CPS1: variants seen among roughly 807,000 people sequenced by gnomAD.
CPS1 encodes the protein carbamoyl-phosphate synthase 1.
In CPS1, 109 loss-of-function variants were observed where a neutral mutation model predicts 174.6. The ratio of observed to expected loss-of-function variants is 0.62; its 90% CI spans 0.53 to 0.73. The LOEUF is 0.73. Among genes scored for constraint, CPS1 ranks in the 30% least tolerant of loss-of-function variants. The pLI is 0.00. For missense variants in CPS1, 1,689 were observed against 1,821.9 expected (o/e 0.93, Z 1.33); for synonymous variants, 637 against 632.0 (o/e 1.01, Z -0.12).
intron 5 of CPS1, among the ~76,000 whole-genome samples, chr2:210,580,931 T>C (rs1697904297): frequency 6.6e-6 from 1 of 151,336 alleles, no homozygotes; most frequent in Admixed American, 6.6e-5. Flanking sequence ...CTTGTTAGGA[T>C]ATATACATAT....
rs539147852 is a variant in CPS1, at chr2:210,483,947, G to A, written c.3+6181G>A. 1.8e-4 allele frequency among the ~76,000 whole-genome samples: 28 copies of A among 152,314 alleles called. No individual in the cohort carries two copies. In the South Asian group the frequency reaches 4.8e-3, roughly 26 times the overall value. On this transcript the variant is annotated intron_variant, in intron 1 of 38. Transcript: ENST00000430249. ...ATCCATTTACTTATTCTTCAGATGGGTGTTGCAAAGTGTCTATGGAGTGCA... is the reference window on the plus strand; with the variant it reads ...ATCCATTTACTTATTCTTCAGATGGATGTTGCAAAGTGTCTATGGAGTGCA...
intron 6 of CPS1, among the ~76,000 whole-genome samples, chr2:210,587,665 A>G (rs1242885468): frequency 6.6e-6 from 1 of 152,048 alleles, no homozygotes; most frequent in African/African-American, 2.4e-5. Context: ...ATCAAGTGGT[A>G]TTTAAAGCAT....
chr2:210,650,562 A>G lies in CPS1; in HGVS notation c.3480+124A>G, dbSNP rs1001596904. 16 of 795,382 alleles carry G rather than the reference A, an allele frequency of 2.0e-5. No individual in the cohort carries two copies. The African/African-American group carries it at 2.7e-4, about 14-fold the overall frequency. The allele number at this position is 795,382 out of a possible 1,614,324, so 49.3% of individuals were successfully genotyped here. A position where few individuals can be genotyped will look rare whatever the true frequency, so the allele number is the denominator to read the frequency against. On this transcript the variant is annotated intron_variant, in intron 28 of 37. Coordinates refer to ENST00000233072, the MANE Select transcript of CPS1 (RefSeq NM_001875.5). ...ACCTTACTTTGTATGTTTTCTTTTC[A>G]CACAATGTGTTAGAATGAGTTTTCT...
chr2:210,649,810 AT>A (rs1241875143), intron 27 of CPS1, among the ~76,000 whole-genome samples: 1 of 152,208 alleles, frequency 6.6e-6, no homozygotes, highest in African/African-American at 2.4e-5. Context: ...TTTCTCAAGC[AT>A]TTAAAAAGAA....
At chr2:210,621,162 T>C (rs1699512705) in intron 21 of CPS1, among the ~76,000 whole-genome samples, 1 of 152,110 alleles carries the variant, frequency 6.6e-6, no homozygotes, top group African/African-American at 2.4e-5. Flanking sequence ...TTCTAGGCAG[T>C]TCCCCAAATT....
intron 1 of CPS1, among the ~76,000 whole-genome samples, chr2:210,529,267 C>G (rs1297493081): frequency 6.6e-6 from 1 of 151,916 alleles, no homozygotes; most frequent in Non-Finnish European, 1.5e-5. Flanking sequence ...ATCATTTAGA[C>G]ATTAAATTGA....
chr2:210,648,562 C>G, intron 27 of CPS1, 22 bp downstream of exon 27: 3 of 1,596,168 alleles, frequency 1.9e-6, no homozygotes, highest in Non-Finnish European at 2.6e-6. Context: ...TATTGTTTTC[C>G]AAAACAATGA....
chr2:210,576,304 ACATACATTATTTGCTGATAATTTTTTGGC>A lies in CPS1; in HGVS notation c.237-41_237-13del. The A allele has an allele frequency of 6.2e-7, 1 of 1,601,352 alleles. No individual in the cohort carries two copies. The highest frequency in any genetic ancestry group is 8.6e-7 in the Non-Finnish European group (1 of 1,168,616). On this transcript the variant is annotated splice_polypyrimidine_tract_variant and intron_variant, in intron 2 of 37. Coordinates refer to ENST00000233072, the MANE Select transcript of CPS1 (RefSeq NM_001875.5). ...GTATGCAGATTATAGCTTTGTAGTT[ACATACATTATTTGCTGATAATTTTTTGGC>A]ATGTTTACCCAGGTACCCAGAAGCT...
chr2:210,576,457 A>T lies in CPS1; in HGVS notation c.348A>T (p.Gly116=), dbSNP rs745458619. 6.2e-7 allele frequency: 1 copy of T among 1,613,678 alleles called. No homozygotes were observed. The highest frequency in any genetic ancestry group is 1.7e-5 in the Admixed American group (1 of 59,970). The change falls in exon 3 of 38, where the codon GGA becomes GGT. Residue 116 remains glycine (G), a synonymous_variant. Coordinates refer to ENST00000233072, the MANE Select transcript of CPS1 (RefSeq NM_001875.5). ...ATACTACTGCTCTGGATGAACTGGG[A>T]CTTAGCAAATATTTGGAGTCTAATG... ...APDTTALDEL[G]LSKYLESNGI... is the part of the protein sequence containing the mutation.
intron 1 of CPS1, among the ~76,000 whole-genome samples, chr2:210,508,768 T>G (rs1695362725): frequency 6.6e-6 from 1 of 152,170 alleles, no homozygotes; most frequent in Non-Finnish European, 1.5e-5. Context: ...GCAAATAAAC[T>G]AGAAAATCTA....
chr2:210,512,936 G>A (rs375758098), intron 1 of CPS1, among the ~76,000 whole-genome samples: 1 of 48,896 alleles, frequency 2.0e-5, no homozygotes, highest in Non-Finnish European at 3.7e-5. Flanking sequence ...ATATATATAT[G>A]GAGAGATATA....
At chr2:210,539,806 C>G (rs1696352827) in intron 1 of CPS1, among the ~76,000 whole-genome samples, 1 of 152,020 alleles carries the variant, frequency 6.6e-6, no homozygotes, top group African/African-American at 2.4e-5. Context: ...CTACCTTGTC[C>G]CCAGGCTTCT....
chr2:210,528,884 T>G (rs573137295), intron 1 of CPS1, among the ~76,000 whole-genome samples: 1 of 149,502 alleles, frequency 6.7e-6, no homozygotes, highest in East Asian at 2.0e-4. Flanking sequence ...TAGCTGACTA[T>G]GAGACAAGAA....
intron 24 of CPS1, among the ~76,000 whole-genome samples, chr2:210,641,381 C>G (rs969302571): frequency 6.6e-6 from 1 of 152,130 alleles, no homozygotes; most frequent in South Asian, 2.1e-4. Context: ...CTGCCTCAGC[C>G]TCCCAAAGTG....
intron 25 of CPS1, among the ~76,000 whole-genome samples, chr2:210,644,768 G>A (rs1700325412): frequency 6.6e-6 from 1 of 150,628 alleles, no homozygotes; most frequent in African/African-American, 2.5e-5. Flanking sequence ...TCCTTTTCAT[G>A]TTTTTCTATT....
At chr2:210,486,295 T>A (rs1180132201) in intron 1 of CPS1, among the ~76,000 whole-genome samples, 1 of 152,128 alleles carries the variant, frequency 6.6e-6, no homozygotes, top group Non-Finnish European at 1.5e-5. Flanking sequence ...ATAAGTCATT[T>A]ATGAGATATA....
chr2:210,532,243 A>T (rs1345268663), intron 1 of CPS1, among the ~76,000 whole-genome samples: 1 of 152,140 alleles, frequency 6.6e-6, no homozygotes, highest in East Asian at 1.9e-4. Flanking sequence ...AAGTGAAGCA[A>T]CAAGGTCTGT....
In CPS1 at chr2:210,591,677, C is replaced by T. The variant is rs182950890; in HGVS notation, c.948-154C>T. On this transcript the variant is annotated intron_variant, in intron 9 of 37. Transcript: ENST00000233072. ...TTGTTGGGAAAATTACTGGGATTAACAATCTGTGACTTTTCTCACAGAGTG... is the reference window on the plus strand; with the variant it reads ...TTGTTGGGAAAATTACTGGGATTAATAATCTGTGACTTTTCTCACAGAGTG... Among the ~76,000 whole-genome samples the T allele has an allele frequency of 1.8e-4, 28 of 152,166 alleles. No homozygotes were observed. The East Asian group carries it at 4.6e-3, about 25-fold the overall frequency.
intron 30 of CPS1, among the ~76,000 whole-genome samples, chr2:210,657,827 GA>G (rs146883060): frequency 0.01 from 1,594 of 152,268 alleles, 34 homozygotes; most frequent in African/African-American, 0.035. Flanking sequence ...AAGCATTAAA[GA>G]AAAAAGTCCT....
Sources: gnomAD v4.1 joint callset for allele counts (sites outside exome capture counted in the v4.1 genomes callset) on GRCh38, gnomAD v4.1.1 for gene constraint, MANE v1.5 for transcripts, NCBI Gene and HGNC (gene_info 2026-07-23, HGNC 2026-07-21) for gene names.